MYO5C: variants seen among roughly 807,000 people sequenced by gnomAD.
MYO5C encodes unconventional myosin-Vc.
Under a neutral mutation model 235.7 loss-of-function variants are expected in MYO5C, and 194 were observed. The ratio of observed to expected loss-of-function variants is 0.82; its 90% CI spans 0.73 to 0.93. The LOEUF (loss-of-function observed/expected upper bound fraction) is 0.93, where lower values mean the gene tolerates loss of function less well. Among genes scored for constraint, MYO5C ranks in the 40% least tolerant of loss-of-function variants. MYO5C has a pLI of 0.00. For synonymous variants in MYO5C, 707 were observed against 754.8 expected, an observed-to-expected ratio of 0.94 and a Z score of 1.04; for missense variants, 2,038 against 2,127.2, an observed-to-expected ratio of 0.96 and a Z score of 0.82.
intron 15 of MYO5C, 144 bp downstream of exon 15, chr15:52,247,314 T>G: frequency 1.0e-6 from 1 of 993,034 alleles, no homozygotes; most frequent in Non-Finnish European, 1.5e-6. Flanking sequence ...ACGATGAACT[T>G]TTTGCAGTGG....
intron 3 of MYO5C, 118 bp downstream of exon 3, chr15:52,279,391 C>T: frequency 1.9e-6 from 2 of 1,029,458 alleles, no homozygotes; most frequent in East Asian, 2.5e-5. Flanking sequence ...CCCACCCAGA[C>T]ACTTCTTTTT....
At chr15:52,206,997 G>C (rs1483512270) in intron 36 of MYO5C, among the ~76,000 whole-genome samples, 1 of 152,064 alleles carries the variant, frequency 6.6e-6, no homozygotes, top group East Asian at 1.9e-4. Flanking sequence ...ACCGGGCATG[G>C]TGGCGCATGC....
At chr15:52,281,024 C>T (rs1035340295) in intron 2 of MYO5C, among the ~76,000 whole-genome samples, 3 of 152,164 alleles carry the variant, frequency 2.0e-5, no homozygotes, top group African/African-American at 7.2e-5. Context: ...GACCTAACCC[C>T]GACCAGAATA....
chr15:52,274,103 C>G (rs111810857), intron 5 of MYO5C, among the ~76,000 whole-genome samples: 31 of 152,198 alleles, frequency 2.0e-4, no homozygotes, highest in African/African-American at 6.8e-4. Flanking sequence ...CCCAGGTCAT[C>G]ATGCTGCCTG....
At chr15:52,256,587 A>ACACACACACG in intron 11 of MYO5C, 52 bp downstream of exon 11, 7,636 of 565,484 alleles carry the variant, frequency 0.014, 107 homozygotes, top group African/African-American at 0.052. Flanking sequence ...ACACACACAC[A>ACACACACACG]CGCGCGCGCG....
chr15:52,211,146 G>A (rs999168926), intron 35 of MYO5C, among the ~76,000 whole-genome samples: 1 of 152,196 alleles, frequency 6.6e-6, no homozygotes, highest in Non-Finnish European at 1.5e-5. Flanking sequence ...GTGGAACAGA[G>A]CCACCTTCCA....
At chr15:52,277,799 G>C in intron 4 of MYO5C, 1 of 454,128 alleles carries the variant, frequency 2.2e-6, no homozygotes, top group South Asian at 1.6e-5. Context: ...TCTAGCCCCA[G>C]ACTGCCCATC....
chr15:52,251,452 G>T lies in MYO5C; in HGVS notation c.1600C>A (p.Pro534Thr). 2 of 1,605,078 alleles carry T rather than the reference G, an allele frequency of 1.2e-6. No individual in the cohort carries two copies. Among genetic ancestry groups the T allele is most frequent in the Non-Finnish European group, 1.7e-6 (2 of 1,174,996 alleles). ...GACATTCTAGGCTTTTCAAACAAAG[G>T]GTTCCTGTTGACAAAATTATTATAC... is the stretch of plus-strand genomic sequence containing the variant. The part of the protein sequence containing the change: ...KLYNNFVNRN[P>T]LFEKPRMSNT... Residue 534 changes from proline to threonine, a missense_variant, in exon 13 of 41, where the codon CCT becomes ACT. Physicochemically the swap from Pro to Thr is conservative, Grantham distance 38. Coordinates refer to ENST00000261839, the MANE Select transcript of MYO5C (RefSeq NM_018728.4).
At chr15:52,286,188 T>G (rs1381519969) in intron 1 of MYO5C, among the ~76,000 whole-genome samples, 2 of 148,948 alleles carry the variant, frequency 1.3e-5, no homozygotes, top group African/African-American at 5.0e-5. Context: ...GAAGAGTGTC[T>G]CCGCCCGGCA....
intron 11 of MYO5C, among the ~76,000 whole-genome samples, 160 bp downstream of exon 11, chr15:52,256,479 C>T (rs1022728460): frequency 6.6e-6 from 1 of 151,446 alleles, no homozygotes; most frequent in Non-Finnish European, 1.5e-5. Flanking sequence ...CAAGATTTGG[C>T]CACAAGGTGG....
Position 52,271,888 on chromosome 15 carries a change from C to G in MYO5C, c.751-44G>C, listed in dbSNP as rs1435834906. The G allele has an allele frequency of 4.4e-6, 6 of 1,363,078 alleles. No homozygotes were observed. The Admixed American group carries it at 1.2e-4, about 27-fold the overall frequency. 84.4% of individuals were successfully genotyped at this position (1,363,078 alleles called of 1,614,324 possible). A position where few individuals can be genotyped will look rare whatever the true frequency, so the allele number is the denominator to read the frequency against. ...TCCTCAAAATTACACCAAATCCTTA[C>G]AAGCAAAAATGCCAGGTTTTTAACT... On this transcript the variant is annotated intron_variant, in intron 6 of 40. Transcript: ENST00000261839.
intron 1 of MYO5C, among the ~76,000 whole-genome samples, chr15:52,283,855 A>C (rs2037208648): frequency 6.6e-6 from 1 of 151,884 alleles, no homozygotes; most frequent in African/African-American, 2.4e-5. Context: ...TTGTATTTTT[A>C]GTAGAGTCAG....
chr15:52,218,438 T>A, intron 32 of MYO5C, 81 bp downstream of exon 32: 1 of 1,338,180 alleles, frequency 7.5e-7, no homozygotes, highest in Non-Finnish European at 1.0e-6. Flanking sequence ...ATGTTAATCA[T>A]ATGCTTTAGG....
intron 20 of MYO5C, among the ~76,000 whole-genome samples, chr15:52,240,265 TC>T (rs2081090935): frequency 6.6e-6 from 1 of 152,050 alleles, no homozygotes; most frequent in South Asian, 2.1e-4. Context: ...CTTGTCATAT[TC>T]AACATCAAAA....
At chr15:52,288,713 A>AC (rs2037325999) in intron 1 of MYO5C, among the ~76,000 whole-genome samples, 1 of 152,196 alleles carries the variant, frequency 6.6e-6, no homozygotes, top group African/African-American at 2.4e-5. Context: ...CTGTCAACTG[A>AC]CCTCCAGAAT....
At position 52,246,071 on chromosome 15, in the gene MYO5C, G is replaced by T. The variant is rs748372983; in HGVS notation, c.1980-29C>A. On this transcript the variant is annotated intron_variant, in intron 16 of 40. Coordinates refer to ENST00000261839, the MANE Select transcript of MYO5C (RefSeq NM_018728.4). Reference sequence around the variant, plus strand: ...TAAAAAGACAATGATATTATGTGTTGAGGCATCGTAATTGCTCAACATGCC... The same window carrying T: ...TAAAAAGACAATGATATTATGTGTTTAGGCATCGTAATTGCTCAACATGCC... 4 of 1,589,680 alleles carry T rather than the reference G, an allele frequency of 2.5e-6. No homozygotes were observed. The South Asian group carries it at 3.3e-5, about 13-fold the overall frequency.
At chr15:52,283,073 C>A (rs1165939225) in intron 1 of MYO5C, among the ~76,000 whole-genome samples, 181 bp from the exon 2 acceptor site, 7 of 152,072 alleles carry the variant, frequency 4.6e-5, no homozygotes, top group Non-Finnish European at 7.4e-5. Context: ...GGCCTGGCTG[C>A]CTCAGTTTAC....
intron 19 of MYO5C, chr15:52,243,559 C>T (rs941649085): frequency 6.6e-6 from 1 of 152,398 alleles, no homozygotes; most frequent in Non-Finnish European, 1.5e-5. Flanking sequence ...TGCCACAGTT[C>T]AGCCTCCAGC....
At chr15:52,254,597 C>G (rs578140305) in intron 11 of MYO5C, among the ~76,000 whole-genome samples, 2 of 149,724 alleles carry the variant, frequency 1.3e-5, no homozygotes, top group South Asian at 4.3e-4. Flanking sequence ...GAAGATACTA[C>G]CCCTCCTGGG....
Sources: allele counts gnomAD v4.1 joint callset (sites outside exome capture counted in the v4.1 genomes callset), GRCh38; gene constraint gnomAD v4.1.1; transcripts MANE v1.5; gene names NCBI Gene and HGNC (gene_info 2026-07-23, HGNC 2026-07-21).